The following UTRN variants were observed in gnomAD, a reference collection of about 807,000 sequenced individuals.
The protein encoded by UTRN is utrophin.
Under a neutral mutation model 463.9 loss-of-function variants are expected in UTRN, and 283 were observed. The observed-to-expected ratio is 0.61, with a 90% CI of 0.55 to 0.67. The LOEUF (loss-of-function observed/expected upper bound fraction) is 0.67, where lower values mean the gene tolerates loss of function less well. Among genes scored for constraint, UTRN ranks in the 30% least tolerant of loss-of-function variants. UTRN has a pLI of 0.00. For synonymous variants in UTRN, 1,442 were observed against 1,431.5 expected (o/e 1.01, Z -0.17); for missense variants, 3,922 against 4,084.3 (o/e 0.96, Z 1.08).
At position 144,828,823 on chromosome 6, in the gene UTRN, T is replaced by C. The variant is rs890304455; in HGVS notation, c.9633T>C (p.Phe3211=). ...AGATGGAAAGGACTAATGGGTCTTTTCTCACTGATAGCAGCTCCACCACAG... is the reference window on the plus strand; with the variant it reads ...AGATGGAAAGGACTAATGGGTCTTTCCTCACTGATAGCAGCTCCACCACAG... ...LAQMERTNGS[F]LTDSSSTTGS... Residue 3211 remains phenylalanine (F), a synonymous_variant, in exon 69 of 75, where the codon TTT becomes TTC. Transcript: ENST00000367545. 2 of 1,613,506 alleles carry C rather than the reference T, an allele frequency of 1.2e-6. No individual in the cohort carries two copies. Among genetic ancestry groups the C allele is most frequent in the African/African-American group, 1.3e-5 (1 of 75,014 alleles).
intron 2 of UTRN, among the ~76,000 whole-genome samples, chr6:144,370,331 A>C (rs756540158): frequency 1.3e-5 from 2 of 152,326 alleles, no homozygotes; most frequent in Admixed American, 1.3e-4. Flanking sequence ...CATGGCTACA[A>C]GGGGCCAACG....
intron 54 of UTRN, among the ~76,000 whole-genome samples, chr6:144,736,922 T>C (rs956649178): frequency 3.3e-5 from 5 of 152,188 alleles, no homozygotes; most frequent in African/African-American, 1.2e-4. Flanking sequence ...TTTCCAACGC[T>C]TGCCTCATTT....
chr6:144,349,488 A>G (rs1056766872), intron 2 of UTRN, among the ~76,000 whole-genome samples: 2 of 152,232 alleles, frequency 1.3e-5, no homozygotes, highest in African/African-American at 4.8e-5. Context: ...GATGTTACAC[A>G]TTTTAAAGTT....
intron 61 of UTRN, among the ~76,000 whole-genome samples, chr6:144,787,839 A>G (rs1776415812): frequency 6.6e-6 from 1 of 152,196 alleles, no homozygotes. Flanking sequence ...GTACTTGTGT[A>G]TTAAAAACAT....
chr6:144,699,953 G>C (rs1362008200), intron 52 of UTRN, 134 bp from the exon 53 acceptor site: 1 of 554,172 alleles, frequency 1.8e-6, no homozygotes, highest in Admixed American at 4.0e-5. Context: ...TATTTACAAG[G>C]AGTCAGTCTC....
At chr6:144,638,638 A>C (rs1777442090) in intron 51 of UTRN, among the ~76,000 whole-genome samples, 1 of 152,218 alleles carries the variant, frequency 6.6e-6, no homozygotes, top group Non-Finnish European at 1.5e-5. Flanking sequence ...CTGTTTGGAA[A>C]ATTACATCAG....
chr6:144,446,475 C>T (rs1244934665), intron 14 of UTRN, among the ~76,000 whole-genome samples: 2 of 152,158 alleles, frequency 1.3e-5, no homozygotes, highest in Non-Finnish European at 2.9e-5. Context: ...TGTTTTCCTC[C>T]CTACTAAATA....
intron 58 of UTRN, among the ~76,000 whole-genome samples, chr6:144,768,953 G>GTT (rs1224806677): frequency 4.8e-5 from 5 of 105,098 alleles, no homozygotes; most frequent in African/African-American, 1.7e-4. Flanking sequence ...TTTTTGTTTT[G>GTT]TTTTGTTTTT....
intron 8 of UTRN, 95 bp from the exon 9 acceptor site, chr6:144,429,473 AGGTATTGTTTATG>A: frequency 1.1e-6 from 1 of 930,100 alleles, no homozygotes; most frequent in Non-Finnish European, 1.6e-6. Context: ...ATTATATATT[AGGTATTGTTTATG>A]GGTACTAAGG....
intron 39 of UTRN, among the ~76,000 whole-genome samples, chr6:144,520,732 A>T (rs1796011631): frequency 6.6e-6 from 1 of 152,214 alleles, no homozygotes; most frequent in Non-Finnish European, 1.5e-5. Flanking sequence ...CATTTTCAAG[A>T]TCACTAACTG....
chr6:144,320,931 A>T (rs978688952), intron 2 of UTRN, among the ~76,000 whole-genome samples: 6 of 151,960 alleles, frequency 3.9e-5, no homozygotes, highest in Admixed American at 3.3e-4. Context: ...GCTAATGGGG[A>T]TGGAGTGGGG....
chr6:144,493,874 G>C (rs2128580640), intron 33 of UTRN, among the ~76,000 whole-genome samples: 1 of 152,266 alleles, frequency 6.6e-6, no homozygotes, highest in Middle Eastern at 3.4e-3. Context: ...ATGGTGGTGA[G>C]TATCTGTAGT....
chr6:144,772,016 G>GTTTTTTTTTTTTTTTTT lies in UTRN; in HGVS notation c.8557+69_8557+85dup, dbSNP rs748399313. On this transcript the variant is annotated intron_variant, in intron 59 of 74. Transcript: ENST00000367545. ...AATTAACCTAAACAACTGAGAACCG[G>GTTTTTTTTTTTTTTTTT]TTTTTTTTTTTTTTTTTTTTTTTTT... The GTTTTTTTTTTTTTTTTT allele has an allele frequency of 1.4e-4, 18 of 127,580 alleles. 3 individuals carry two copies. The highest frequency in any genetic ancestry group is 2.3e-4 in the Non-Finnish European group (15 of 66,106). The allele number at this position is 127,580 out of a possible 1,614,324, so 7.9% of individuals were successfully genotyped here.
intron 48 of UTRN, among the ~76,000 whole-genome samples, chr6:144,554,298 C>G (rs1188012598): frequency 1.3e-5 from 2 of 152,222 alleles, no homozygotes; most frequent in Non-Finnish European, 2.9e-5. Flanking sequence ...GACTATCTCT[C>G]TGTCTTAAAG....
chr6:144,402,092 C>T (rs76343680), intron 2 of UTRN, among the ~76,000 whole-genome samples: 1,523 of 152,222 alleles, frequency 0.01, 21 homozygotes, highest in African/African-American at 0.035. Flanking sequence ...AATAGAAAAT[C>T]GTGGAGTGAT....
chr6:144,524,318 A>G (rs963204054), intron 41 of UTRN, among the ~76,000 whole-genome samples: 6 of 152,184 alleles, frequency 3.9e-5, no homozygotes, highest in African/African-American at 1.4e-4. Flanking sequence ...TTCTTTAAAA[A>G]TAATGACATT....
intron 52 of UTRN, among the ~76,000 whole-genome samples, chr6:144,692,280 T>C (rs1046835149): frequency 6.6e-6 from 1 of 152,232 alleles, no homozygotes; most frequent in African/African-American, 2.4e-5. Flanking sequence ...AGTTTTTCAA[T>C]CCAGTCTTAT....
At chr6:144,800,928 A>T (rs995631093) in intron 64 of UTRN, among the ~76,000 whole-genome samples, 4 of 152,146 alleles carry the variant, frequency 2.6e-5, no homozygotes, top group African/African-American at 9.7e-5. Context: ...CTTTAGCAAG[A>T]TGGTAGAGGT....
chr6:144,338,871 G>A (rs1223000810), intron 2 of UTRN, among the ~76,000 whole-genome samples: 1 of 152,214 alleles, frequency 6.6e-6, no homozygotes, highest in Non-Finnish European at 1.5e-5. Flanking sequence ...GAAAACTTGA[G>A]TTTGACCTGA....
Sources: gnomAD v4.1 joint callset for allele counts (sites outside exome capture counted in the v4.1 genomes callset) on GRCh38, gnomAD v4.1.1 for gene constraint, MANE v1.5 for transcripts, NCBI Gene and HGNC (gene_info 2026-07-23, HGNC 2026-07-21) for gene names.